NAV3: variants seen among roughly 807,000 people sequenced by gnomAD.
NAV3 encodes pore membrane and/or filament interacting like protein 1.
Under a neutral mutation model 244.7 loss-of-function variants are expected in NAV3, and 87 were observed. That is an observed-to-expected ratio of 0.36 (90% CI 0.30 to 0.42). NAV3 has a LOEUF of 0.42. Among genes scored for constraint, NAV3 ranks in the 20% least tolerant of loss-of-function variants. NAV3 has a pLI of 1.00. For missense variants in NAV3, 2,663 were observed against 2,893.3 expected (o/e 0.92, Z 1.83); for synonymous variants, 1,126 against 1,042.2 (o/e 1.08, Z -1.55).
Position 77,874,135 on chromosome 12 carries a change from A to G in NAV3, c.243+42431A>G, listed in dbSNP as rs149324197. ...CCTAGTCTGTGAAAAAATTGTCTTC[A>G]GTGAAACTGGTCCCTGGTGCCAAAA... is the stretch of plus-strand genomic sequence containing the variant. On this transcript the variant is annotated intron_variant, in intron 1 of 39. Transcript: ENST00000397909. Among the ~76,000 whole-genome samples, 616 of 152,180 alleles carry G rather than the reference A, an allele frequency of 4.0e-3. 4 individuals are homozygous for G. Among genetic ancestry groups the G allele is most frequent in the African/African-American group, 0.014 (590 of 41,522 alleles).
chr12:78,104,438 C>T (rs991291656), intron 12 of NAV3, among the ~76,000 whole-genome samples: 7 of 152,076 alleles, frequency 4.6e-5, no homozygotes, highest in Non-Finnish European at 8.8e-5. Flanking sequence ...AGGCAAAAGG[C>T]AAAAGTCCTT....
chr12:77,874,646 T>G (rs1389642605), intron 1 of NAV3, among the ~76,000 whole-genome samples: 1 of 152,172 alleles, frequency 6.6e-6, no homozygotes, highest in Non-Finnish European at 1.5e-5. Flanking sequence ...TATATTGTCT[T>G]ATTAGTGAAT....
intron 2 of NAV3, among the ~76,000 whole-genome samples, chr12:77,793,412 G>A (rs1486495747): frequency 6.6e-6 from 1 of 151,994 alleles, no homozygotes; most frequent in Non-Finnish European, 1.5e-5. Flanking sequence ...CCATCAACCT[G>A]TCATCTAGGT....
chr12:77,937,027 C>A (rs1564303), intron 1 of NAV3, among the ~76,000 whole-genome samples: 46,826 of 151,818 alleles, frequency 0.31, 8,386 homozygotes, highest in East Asian at 0.44. Context: ...TTATAATATC[C>A]TTTTGGAAGG....
intron 2 of NAV3, among the ~76,000 whole-genome samples, chr12:77,593,710 G>A (rs1299270927): frequency 1.3e-5 from 2 of 149,964 alleles, no homozygotes; most frequent in East Asian, 2.0e-4. Flanking sequence ...TCCTGACCTC[G>A]TGATCTGCCT....
chr12:78,153,611 T>C (rs1199169654), intron 22 of NAV3, among the ~76,000 whole-genome samples: 1 of 152,094 alleles, frequency 6.6e-6, no homozygotes, highest in Non-Finnish European at 1.5e-5. Flanking sequence ...ACGTATTTTC[T>C]TTACAAATCT....
rs539988700 is a variant in NAV3 at position 77,771,973 on chromosome 12, C to T, written c.73-168346C>T. ...GGATTTAGGTTATTTCAAAATATGA[C>T]CAAGTATGAAAAATTAATAATATTT... On this transcript the variant is annotated intron_variant, in intron 2 of 8. Transcript: ENST00000550042. 8.1e-4 allele frequency among the ~76,000 whole-genome samples: 123 copies of T among 152,084 alleles called. 1 individual carries two copies. Among genetic ancestry groups the T allele is most frequent in the African/African-American group, 2.7e-3 (111 of 41,468 alleles).
chr12:77,647,291 G>A (rs1189297914), intron 2 of NAV3, among the ~76,000 whole-genome samples: 2 of 152,064 alleles, frequency 1.3e-5, no homozygotes, highest in Admixed American at 1.3e-4. Flanking sequence ...CTTGGTAAAA[G>A]GAGAGCAATT....
At chr12:77,675,555 G>A (rs711136) in intron 2 of NAV3, among the ~76,000 whole-genome samples, 141,516 of 152,280 alleles carry the variant, frequency 0.93, 65,836 homozygotes, top group East Asian at 0.97. Context: ...TGACTGAATA[G>A]CTGGAGACTG....
At chr12:77,691,606 A>G (rs1307562139) in intron 2 of NAV3, among the ~76,000 whole-genome samples, 1 of 151,552 alleles carries the variant, frequency 6.6e-6, no homozygotes, top group African/African-American at 2.4e-5. Flanking sequence ...ATGAATGACC[A>G]GACATTAATG....
At chr12:77,963,605 A>G (rs1477776411) in intron 3 of NAV3, among the ~76,000 whole-genome samples, 1 of 152,186 alleles carries the variant, frequency 6.6e-6, no homozygotes, top group Non-Finnish European at 1.5e-5. Context: ...CACTTTAATG[A>G]ACTAGCCTTT....
chr12:77,776,957 A>G (rs1870393085), intron 2 of NAV3, among the ~76,000 whole-genome samples: 1 of 152,240 alleles, frequency 6.6e-6, no homozygotes, highest in Admixed American at 6.5e-5. Context: ...TACGTTTAAT[A>G]GGAAAGCAAG....
intron 2 of NAV3, among the ~76,000 whole-genome samples, chr12:77,610,715 G>A (rs1870873606): frequency 6.6e-6 from 1 of 152,022 alleles, no homozygotes; most frequent in Non-Finnish European, 1.5e-5. Context: ...GAGGCTTTCT[G>A]TGTCCCCACA....
intron 2 of NAV3, among the ~76,000 whole-genome samples, chr12:77,803,294 C>A (rs1291456018): frequency 6.6e-6 from 1 of 152,112 alleles, no homozygotes; most frequent in Admixed American, 6.5e-5. Flanking sequence ...CATCCCCCAA[C>A]AGGCCCTGGT....
At chr12:77,684,379 C>A (rs1592579218) in intron 2 of NAV3, among the ~76,000 whole-genome samples, 1 of 152,076 alleles carries the variant, frequency 6.6e-6, no homozygotes, top group African/African-American at 2.4e-5. Flanking sequence ...TCATTTCTCT[C>A]TGTCTCTCTC....
intron 1 of NAV3, among the ~76,000 whole-genome samples, chr12:77,847,223 C>T (rs942459508): frequency 2.0e-5 from 3 of 152,116 alleles, no homozygotes; most frequent in Non-Finnish European, 4.4e-5. Flanking sequence ...TCTGTCTACA[C>T]CCAAAATTAT....
intron 1 of NAV3, among the ~76,000 whole-genome samples, chr12:77,901,081 G>A (rs1260425838): frequency 1.3e-5 from 2 of 151,994 alleles, no homozygotes; most frequent in African/African-American, 2.4e-5. Flanking sequence ...GAGGTTATTT[G>A]TTGTTTGCTT....
intron 1 of NAV3, among the ~76,000 whole-genome samples, chr12:77,884,141 T>C (rs1883001646): frequency 6.6e-6 from 1 of 152,118 alleles, no homozygotes; most frequent in Non-Finnish European, 1.5e-5. Context: ...CTAGAAGCAG[T>C]GTCAATTCTT....
chr12:77,674,515 A>G (rs1388031701), intron 2 of NAV3, among the ~76,000 whole-genome samples: 1 of 151,880 alleles, frequency 6.6e-6, no homozygotes, highest in Non-Finnish European at 1.5e-5. Flanking sequence ...CCCACGTAGC[A>G]AGTAGCTGGC....
Sources: gnomAD v4.1 joint callset for allele counts (sites outside exome capture counted in the v4.1 genomes callset) on GRCh38, gnomAD v4.1.1 for gene constraint, MANE v1.5 for transcripts, NCBI Gene and HGNC (gene_info 2026-07-23, HGNC 2026-07-21) for gene names.